TBC1D9: variants seen among roughly 807,000 people sequenced by gnomAD.
TBC1D9 encodes the protein TBC1 domain family member 9A.
Under a neutral mutation model 132.0 loss-of-function variants are expected in TBC1D9, and 63 were observed. The observed-to-expected ratio is 0.48, with a 90% CI of 0.39 to 0.59. The LOEUF (loss-of-function observed/expected upper bound fraction) is 0.59, where lower values mean the gene tolerates loss of function less well. Ranked by LOEUF, TBC1D9 falls within the 20% of genes least tolerant of loss-of-function variation. The pLI is 0.00. For missense variants in TBC1D9, 1,261 were observed against 1,592.7 expected, an observed-to-expected ratio of 0.79 and a Z score of 3.54; for synonymous variants, 610 against 609.9, an observed-to-expected ratio of 1.00 and a Z score of 0.00.
chr4:140,744,713 G>A (rs189916401), intron 1 of TBC1D9, among the ~76,000 whole-genome samples: 14 of 151,646 alleles, frequency 9.2e-5, no homozygotes, highest in South Asian at 8.4e-4. Flanking sequence ...GTGAAACCCC[G>A]TCCCTACTAA....
At chr4:140,645,730 C>T (rs13122755) in intron 13 of TBC1D9, among the ~76,000 whole-genome samples, 48,135 of 152,050 alleles carry the variant, frequency 0.32, 7,790 homozygotes, top group East Asian at 0.4. Context: ...TCTGACCAGC[C>T]ACCACCAACC....
Position 140,716,784 on chromosome 4 carries a change from G to A in TBC1D9, c.131-15170C>T, listed in dbSNP as rs180905473. Among the ~76,000 whole-genome samples, 38 of 151,834 alleles carry A rather than the reference G, an allele frequency of 2.5e-4. 1 individual carries two copies. Among genetic ancestry groups the A allele is most frequent in the Admixed American group, 1.6e-3 (24 of 15,236 alleles). On this transcript the variant is annotated intron_variant, in intron 1 of 20. Coordinates refer to ENST00000442267, the MANE Select transcript of TBC1D9 (RefSeq NM_015130.3). Reference sequence around the variant, plus strand: ...AAATTTAAAGTAATGAAGAACTTACGTTTTTTTCACCCTTAATTATATTGT... The same window carrying A: ...AAATTTAAAGTAATGAAGAACTTACATTTTTTTCACCCTTAATTATATTGT...
intron 1 of TBC1D9, among the ~76,000 whole-genome samples, chr4:140,735,529 T>G (rs752783252): frequency 1.4e-4 from 22 of 151,988 alleles, no homozygotes; most frequent in Admixed American, 7.2e-4. Flanking sequence ...CTGGGCAACA[T>G]AGTGAGACCC....
intron 4 of TBC1D9, 84 bp from the exon 5 acceptor site, chr4:140,679,287 C>G (rs918458260): frequency 7.0e-7 from 1 of 1,421,192 alleles, no homozygotes. Flanking sequence ...CCCACTCCCC[C>G]ATCCCACTGA....
At chr4:140,718,473 C>T (rs1578854612) in intron 1 of TBC1D9, among the ~76,000 whole-genome samples, 1 of 152,084 alleles carries the variant, frequency 6.6e-6, no homozygotes, top group Non-Finnish European at 1.5e-5. Flanking sequence ...AATAATTACC[C>T]CACATAAACC....
chr4:140,694,532 C>T (rs1737922061), intron 2 of TBC1D9, among the ~76,000 whole-genome samples: 1 of 146,672 alleles, frequency 6.8e-6, no homozygotes. Flanking sequence ...GATCGTGCCA[C>T]TGCACTCTAT....
intron 11 of TBC1D9, among the ~76,000 whole-genome samples, chr4:140,658,474 A>T (rs1454511560): frequency 6.6e-6 from 1 of 152,196 alleles, no homozygotes; most frequent in African/African-American, 2.4e-5. Flanking sequence ...CAGCCAGAAC[A>T]TCAACACATG....
chr4:140,639,013 C>T, intron 15 of TBC1D9, 73 bp downstream of exon 15: 1 of 1,114,006 alleles, frequency 9.0e-7, no homozygotes, highest in South Asian at 1.5e-5. Context: ...ACAGAAAAAT[C>T]AAGAACTAAC....
intron 3 of TBC1D9, among the ~76,000 whole-genome samples, chr4:140,681,088 G>A (rs1000667973): frequency 7.9e-5 from 12 of 152,110 alleles, no homozygotes; most frequent in African/African-American, 1.2e-4. Flanking sequence ...AACCAATGCC[G>A]CAACTTTTTC....
chr4:140,709,973 TCTGCAG>T (rs1466336597), intron 1 of TBC1D9, among the ~76,000 whole-genome samples: 3 of 152,182 alleles, frequency 2.0e-5, no homozygotes, highest in African/African-American at 4.8e-5. Context: ...CAGGTACTTG[TCTGCAG>T]CCTGACAGTC....
intron 6 of TBC1D9, among the ~76,000 whole-genome samples, chr4:140,672,349 T>C (rs10003656): frequency 0.56 from 84,813 of 151,282 alleles, 24,236 homozygotes; most frequent in African/African-American, 0.67. Context: ...ATAAATGCTA[T>C]ATAACAGAGG....
intron 9 of TBC1D9, among the ~76,000 whole-genome samples, chr4:140,665,461 A>G (rs532081107): frequency 2.6e-5 from 4 of 152,320 alleles, no homozygotes; most frequent in East Asian, 3.9e-4. Context: ...AAGATATAGA[A>G]GTGGTCAGTA....
At chr4:140,652,042 C>T (rs1473633889) in intron 13 of TBC1D9, among the ~76,000 whole-genome samples, 3 of 152,040 alleles carry the variant, frequency 2.0e-5, no homozygotes, top group Non-Finnish European at 4.4e-5. Flanking sequence ...AGTTCGAGAT[C>T]AACCTAGCCA....
chr4:140,661,904 C>T lies in TBC1D9; in HGVS notation c.1792G>A (p.Gly598Arg). 1 of 1,613,426 alleles carries T rather than the reference C, an allele frequency of 6.2e-7. No individual in the cohort carries two copies. The stretch of plus-strand genomic sequence containing the variant: ...CCTGTGACATTTACCTGGCAATACC[C>T]TATGTTGGGATTTCGAAAAGCATAA... ...TAYAFRNPNI[G>R]YCQAMNIVTS... The change falls in exon 10 of 21, where the codon GGG becomes AGG. Residue 598 changes from glycine to arginine, a missense_variant. Physicochemically the swap from Gly to Arg is moderately radical, Grantham distance 125. This residue lies in a region of TBC1D9 where 93 missense variants were observed against 169.2 expected (regional missense o/e 0.55). Transcript: ENST00000442267.
chr4:140,751,810 T>A (rs948622692), intron 1 of TBC1D9, among the ~76,000 whole-genome samples: 1 of 152,136 alleles, frequency 6.6e-6, no homozygotes, highest in Non-Finnish European at 1.5e-5. Flanking sequence ...ATATTCCAAA[T>A]GGCTAATAAA....
intron 1 of TBC1D9, among the ~76,000 whole-genome samples, chr4:140,740,456 T>C (rs1444715283): frequency 6.6e-6 from 1 of 152,210 alleles, no homozygotes; most frequent in Non-Finnish European, 1.5e-5. Context: ...ACAAGGTTCA[T>C]TTCCTCCACC....
chr4:140,756,061 G>A lies in TBC1D9; in HGVS notation c.-16C>T. 1.9e-6 allele frequency: 3 copies of A among 1,601,748 alleles called. No homozygotes were observed. The highest frequency in any genetic ancestry group is 1.7e-6 in the Non-Finnish European group (2 of 1,174,406). The stretch of plus-strand genomic sequence containing the variant: ...TCACCCACATGGTCCTGGCTGCCGC[G>A]GGCGGGCGCACAATGGGCCCGTGGG... On this transcript the variant is annotated 5_prime_UTR_variant, in exon 1 of 21. Coordinates refer to ENST00000442267, the MANE Select transcript of TBC1D9 (RefSeq NM_015130.3). This position sits in a 1 kb window ranked among gnomAD's most constrained non-coding sequence, Gnocchi z 5.6.
intron 16 of TBC1D9, among the ~76,000 whole-genome samples, chr4:140,633,541 TG>T (rs1285909565): frequency 1.3e-5 from 2 of 152,226 alleles, no homozygotes; most frequent in Admixed American, 1.3e-4. Flanking sequence ...CATTTCATAA[TG>T]TTTTATGAAA....
intron 1 of TBC1D9, among the ~76,000 whole-genome samples, chr4:140,735,088 T>C (rs971086210): frequency 6.6e-6 from 1 of 152,234 alleles, no homozygotes; most frequent in African/African-American, 2.4e-5. Flanking sequence ...AATTTCCCTT[T>C]ATCAAATTCT....
Sources: gnomAD v4.1 joint callset for allele counts (sites outside exome capture counted in the v4.1 genomes callset) on GRCh38, gnomAD v4.1.1 for gene constraint, gnomAD v4.1.1 regional missense constraint, Gnocchi (gnomAD v3.1) non-coding constraint, MANE v1.5 for transcripts, NCBI Gene and HGNC (gene_info 2026-07-23, HGNC 2026-07-21) for gene names.